The following CELSR3 variants were observed in gnomAD, a reference collection of about 807,000 sequenced individuals.
CELSR3 encodes the protein cadherin EGF LAG seven-pass G-type receptor 3.
CELSR3 carries 73 observed loss-of-function variants against 270.0 expected under a neutral mutation model. The observed-to-expected ratio is 0.27, with a 90% confidence interval of 0.22 to 0.33. The LOEUF (loss-of-function observed/expected upper bound fraction) is 0.33. Ranked by LOEUF, CELSR3 falls within the 10% of genes least tolerant of loss-of-function variation. The pLI, the probability that CELSR3 is intolerant of heterozygous loss-of-function variation, is 1.00. For synonymous variants in CELSR3, 1,780 were observed against 1,905.4 expected (o/e 0.93, Z 1.71); for missense variants, 3,614 against 4,533.8 (o/e 0.80, Z 5.83).
intron 34 of CELSR3, among the ~76,000 whole-genome samples, chr3:48,638,534 A>C (rs1368891336): frequency 6.6e-6 from 1 of 152,144 alleles, no homozygotes; most frequent in Non-Finnish European, 1.5e-5. Context: ...TCCACATCTC[A>C]AAGAGTTTGT....
Position 48,657,505 on chromosome 3 carries a change from C to T in CELSR3, c.3749-157G>A, listed in dbSNP as rs1406182067. Reference sequence around the variant, plus strand: ...CACAAGGGAGTCTGGGGCTAGTGACCACCAGCTCCCCCAGCATCAAGGTGT... The same window carrying T: ...CACAAGGGAGTCTGGGGCTAGTGACTACCAGCTCCCCCAGCATCAAGGTGT... On this transcript the variant is annotated intron_variant, in intron 1 of 34. Coordinates refer to ENST00000164024, the MANE Select transcript of CELSR3 (RefSeq NM_001407.3). The surrounding 1 kb of genome is among the most constrained non-coding windows in gnomAD (Gnocchi z 5.4). Among the ~76,000 whole-genome samples, 3 of 152,152 alleles carry T rather than the reference C, an allele frequency of 2.0e-5. No individual in the cohort carries two copies. The highest frequency in any genetic ancestry group is 4.4e-5 in the Non-Finnish European group (3 of 68,032).
chr3:48,649,270 G>T, intron 16 of CELSR3, 55 bp from the exon 17 acceptor site: 3 of 1,346,196 alleles, frequency 2.2e-6, no homozygotes, highest in Non-Finnish European at 3.1e-6. Flanking sequence ...TTGCTGAGGA[G>T]ATAACCGCAG....
Position 48,645,342 on chromosome 3 carries a change from C to A in CELSR3, c.7797+101G>T. Reference sequence around the variant, plus strand: ...CAGCATCCTGCTGAAAACCCTGGCCCCAACCTGAGCATCCCTGACCTCTGA... The same window carrying A: ...CAGCATCCTGCTGAAAACCCTGGCCACAACCTGAGCATCCCTGACCTCTGA... On this transcript the variant is annotated intron_variant, in intron 24 of 34. Transcript: ENST00000164024. This position sits in a 1 kb window ranked among gnomAD's most constrained non-coding sequence, Gnocchi z 5.4. The A allele has an allele frequency of 6.4e-7, 1 of 1,566,764 alleles. No homozygotes were observed. Among genetic ancestry groups the A allele is most frequent in the Non-Finnish European group, 8.7e-7 (1 of 1,144,450 alleles).
In CELSR3 at chr3:48,640,038, C is replaced by T. The variant is rs764283560; in HGVS notation, c.9547G>A (p.Asp3183Asn). ...AGCGGCCGGGATGGCAAGAGGGGGT[C>T]CCTTGAGAGTTGCCGCTGGGGAGAC... ...PLSPQRQLSRDPLLPSRPLDS... is the reference protein window; with the variant it reads ...PLSPQRQLSRNPLLPSRPLDS... The change falls in exon 34 of 35, where the codon GAC (aspartate) becomes AAC (asparagine). Residue 3183 changes from aspartate to asparagine, a missense_variant. By Grantham distance (23) the Asp-to-Asn change is conservative. Around this residue, in one of 7 missense-constraint regions of CELSR3, gnomAD observed 1,240 missense variants for 1,351.7 expected, o/e 0.92. Coordinates refer to ENST00000164024, the MANE Select transcript of CELSR3 (RefSeq NM_001407.3). This position sits in a 1 kb window ranked among gnomAD's most constrained non-coding sequence, Gnocchi z 7.5. 10 of 1,611,182 alleles carry T rather than the reference C, an allele frequency of 6.2e-6. No homozygotes were observed. Among genetic ancestry groups the T allele is most frequent in the Non-Finnish European group, 7.6e-6 (9 of 1,179,752 alleles).
Position 48,640,754 on chromosome 3 carries a change from A to T in CELSR3, c.9026-195T>A. On this transcript the variant is annotated intron_variant, in intron 33 of 34. Transcript: ENST00000164024. The surrounding 1 kb of genome is among the most constrained non-coding windows in gnomAD (Gnocchi z 7.5). ...AGGACAGGGGTCAGAGTGGAAGGGC[A>T]GTCATCTTCCAGTTGTGGTCCCGGG... 1 of 399,758 alleles carries T rather than the reference A, an allele frequency of 2.5e-6. No individual in the cohort carries two copies. The highest frequency in any genetic ancestry group is 4.4e-6 in the Non-Finnish European group (1 of 225,966). The allele number at this position is 399,758 out of a possible 1,614,324, so 24.8% of individuals were successfully genotyped here.
chr3:48,642,491 C>T lies in CELSR3; in HGVS notation c.8556-24G>A. On this transcript the variant is annotated intron_variant, in intron 30 of 34. Transcript: ENST00000164024. This position sits in a 1 kb window ranked among gnomAD's most constrained non-coding sequence, Gnocchi z 6.1. The stretch of plus-strand genomic sequence containing the variant: ...CCCTGGAAAAGCAGGAGCCCCCCCA[C>T]CATGAAAGAGGGATGTGATGGGGTG... 1.2e-6 allele frequency: 2 copies of T among 1,605,352 alleles called. No individual in the cohort carries two copies. The highest frequency in any genetic ancestry group is 8.5e-7 in the Non-Finnish European group (1 of 1,175,578).
chr3:48,648,238 G>GGGCCCCCCCCCCCCCCCCC, intron 19 of CELSR3, 28 bp downstream of exon 19: 1 of 1,342,630 alleles, frequency 7.4e-7, no homozygotes, highest in Non-Finnish European at 1.1e-6. Flanking sequence ...CCCCTGCTGT[G>GGGCCCCCCCCCCCCCCCCC]CCCCGCCCTA....
At position 48,644,535 on chromosome 3, in the gene CELSR3, C is replaced by T. The variant is rs1291197007; in HGVS notation, c.8085+181G>A. ...GGACAGGCAACTGAATCTCTGACCCCGCGCCCCCATCTCCATGCCAGTTGA... is the reference window on the plus strand; with the variant it reads ...GGACAGGCAACTGAATCTCTGACCCTGCGCCCCCATCTCCATGCCAGTTGA... On this transcript the variant is annotated intron_variant, in intron 26 of 34. Transcript: ENST00000164024. The surrounding 1 kb of genome is among the most constrained non-coding windows in gnomAD (Gnocchi z 4.8). 2.0e-5 allele frequency among the ~76,000 whole-genome samples: 3 copies of T among 152,074 alleles called. No homozygotes were observed. Among genetic ancestry groups the T allele is most frequent in the African/African-American group, 4.8e-5 (2 of 41,394 alleles).
At chr3:48,647,016 G>T (rs2047090409) in intron 20 of CELSR3, 88 bp from the exon 21 acceptor site, 4 of 1,294,196 alleles carry the variant, frequency 3.1e-6, no homozygotes, top group African/African-American at 1.6e-5. Flanking sequence ...AAGCATGGGG[G>T]TCTCTTCCCT....
Position 48,641,979 on chromosome 3 carries a change from G to T in CELSR3, c.8696C>A (p.Ser2899Tyr). The T allele has an allele frequency of 6.4e-7, 1 of 1,571,856 alleles. No homozygotes were observed. The highest frequency in any genetic ancestry group is 8.6e-7 in the Non-Finnish European group (1 of 1,163,260). The change falls in exon 32 of 35, where the codon TCC (serine) becomes TAC (tyrosine). Residue 2899 changes from serine to tyrosine, a missense_variant. Coordinates refer to ENST00000164024, the MANE Select transcript of CELSR3 (RefSeq NM_001407.3). This position sits in a 1 kb window ranked among gnomAD's most constrained non-coding sequence, Gnocchi z 4.8. ...GGAGAGACTCCTCTCCTCCTCCAAGGACAGGTCACTGTCAGAGTCGGAGTC... is the reference window on the plus strand; with the variant it reads ...GGAGAGACTCCTCTCCTCCTCCAAGTACAGGTCACTGTCAGAGTCGGAGTC... ...GADSDSDSDL[S>Y]LEEERSLSIP...
At position 48,651,494 on chromosome 3, in the gene CELSR3, C is replaced by T. The variant is rs1230431205; in HGVS notation, c.6066-15G>A. 7 of 1,613,238 alleles carry T rather than the reference C, an allele frequency of 4.3e-6. No homozygotes were observed. Among genetic ancestry groups the T allele is most frequent in the Non-Finnish European group, 5.9e-6 (7 of 1,179,638 alleles). On this transcript the variant is annotated splice_polypyrimidine_tract_variant and intron_variant, in intron 13 of 34. Transcript: ENST00000164024. This position sits in a 1 kb window ranked among gnomAD's most constrained non-coding sequence, Gnocchi z 7.4. ...GCTGGTCCATCCTGGGGGTGCAGAG[C>T]CAGGTAAGATGCCTCCACGGTATCC...
intron 3 of CELSR3, 127 bp downstream of exon 3, chr3:48,656,013 C>A: frequency 8.3e-7 from 1 of 1,206,592 alleles, no homozygotes; most frequent in Non-Finnish European, 1.2e-6. Flanking sequence ...GTCAGGAGAC[C>A]CCGGGCGGGG....
rs2077030822 is a variant in CELSR3 at position 48,657,191 on chromosome 3, C to T, written c.3906G>A (p.Val1302=). ...LGRFLEGVAA[V]LATPAEDVFI... is the part of the protein sequence containing the mutation. ...AGACGTCCTCAGCGGGCGTAGCGAGCACCGCAGCCACGCCCTCGAGGAAGC... is the reference window on the plus strand; with the variant it reads ...AGACGTCCTCAGCGGGCGTAGCGAGTACCGCAGCCACGCCCTCGAGGAAGC... The change falls in exon 2 of 35, where the codon GTG becomes GTA. Residue 1302 remains valine, a synonymous_variant. Coordinates refer to ENST00000164024, the MANE Select transcript of CELSR3 (RefSeq NM_001407.3). The surrounding 1 kb of genome is among the most constrained non-coding windows in gnomAD (Gnocchi z 5.4). The T allele has an allele frequency of 1.2e-6, 2 of 1,613,780 alleles. No individual in the cohort carries two copies. The highest frequency in any genetic ancestry group is 1.3e-5 in the African/African-American group (1 of 74,924).
At position 48,660,412 on chromosome 3, in the gene CELSR3, A is replaced by G. The variant is rs2077057930; in HGVS notation, c.2223T>C (p.Ser741=). The G allele has an allele frequency of 6.2e-7, 1 of 1,614,126 alleles. No homozygotes were observed. Among genetic ancestry groups the G allele is most frequent in the African/African-American group, 1.3e-5 (1 of 75,038 alleles). Residue 741 remains serine, a synonymous_variant, in exon 1 of 35, where the codon AGT becomes AGC. Coordinates refer to ENST00000164024, the MANE Select transcript of CELSR3 (RefSeq NM_001407.3). The surrounding 1 kb of genome is among the most constrained non-coding windows in gnomAD (Gnocchi z 5.5). ...HGSPPLSASA[S]VTVTVLDVND... Reference sequence around the variant, plus strand: ...TAACGTCCAGCACAGTCACGGTGACACTGGCTGAGGCAGAGAGTGGGGGTG... The same window carrying G: ...TAACGTCCAGCACAGTCACGGTGACGCTGGCTGAGGCAGAGAGTGGGGGTG...
At position 48,645,977 on chromosome 3, in the gene CELSR3, C is replaced by A; in HGVS notation, c.7464-109G>T. 1 of 1,571,414 alleles carries A rather than the reference C, an allele frequency of 6.4e-7. No individual in the cohort carries two copies. On this transcript the variant is annotated intron_variant, in intron 22 of 34. Coordinates refer to ENST00000164024, the MANE Select transcript of CELSR3 (RefSeq NM_001407.3). The surrounding 1 kb of genome is among the most constrained non-coding windows in gnomAD (Gnocchi z 5.4). ...CCTGGAGTTGGGGTACAGCATTCCTCATGGTCCGGGTTGCACAACAGCACT... is the reference window on the plus strand; with the variant it reads ...CCTGGAGTTGGGGTACAGCATTCCTAATGGTCCGGGTTGCACAACAGCACT...
At chr3:48,647,600 T>G (rs1264139417) in intron 20 of CELSR3, among the ~76,000 whole-genome samples, 1 of 4,260 alleles carries the variant, frequency 2.3e-4, no homozygotes, top group Non-Finnish European at 4.5e-4. Flanking sequence ...AGGGGAGATG[T>G]GGGAGGGAGG....
chr3:48,652,897 A>T lies in CELSR3; in HGVS notation c.5634+105T>A. 3 of 939,700 alleles carry T rather than the reference A, an allele frequency of 3.2e-6. No homozygotes were observed. Among genetic ancestry groups the T allele is most frequent in the Non-Finnish European group, 5.0e-6 (3 of 598,198 alleles). 58.2% of individuals were successfully genotyped at this position (939,700 alleles called of 1,614,324 possible). A position where few individuals can be genotyped will look rare whatever the true frequency, so the allele number is the denominator to read the frequency against. On this transcript the variant is annotated intron_variant, in intron 10 of 34. Transcript: ENST00000164024. The surrounding 1 kb of genome is among the most constrained non-coding windows in gnomAD (Gnocchi z 4.3). ...GAACTAGGGGTAGAACATCAGACTC[A>T]GTGCAGTGGAGGGAACTGAGAGGAG...
At position 48,655,584 on chromosome 3, in the gene CELSR3, TC is replaced by T; in HGVS notation, c.4741+151del. The stretch of plus-strand genomic sequence containing the variant: ...ACAGACTTCTTGGAGGGAGGGACCT[TC>T]CCACAGGGAATGGCCAAGGAGCTAG... On this transcript the variant is annotated intron_variant, in intron 4 of 34. Transcript: ENST00000164024. The surrounding 1 kb of genome is among the most constrained non-coding windows in gnomAD (Gnocchi z 5.8). 1.2e-6 allele frequency: 1 copy of T among 862,094 alleles called. No individual in the cohort carries two copies. The highest frequency in any genetic ancestry group is 1.9e-6 in the Non-Finnish European group (1 of 529,800). 53.4% of individuals were successfully genotyped at this position (862,094 alleles called of 1,614,324 possible). A position where few individuals can be genotyped will look rare whatever the true frequency, so the allele number is the denominator to read the frequency against.
rs1426628916 is a variant in CELSR3 at position 48,662,027 on chromosome 3, C to A, written c.608G>T (p.Arg203Leu). 4 of 1,614,080 alleles carry A rather than the reference C, an allele frequency of 2.5e-6. No homozygotes were observed. The highest frequency in any genetic ancestry group is 1.3e-5 in the African/African-American group (1 of 75,060). ...TGTTGCCCATAATTCCCCACAGCAG[C>A]GCGCGGTGCCCACTCTTTTGCGGGA... ...TGSRKRVGTA[R>L]CCGELWATGS... The change falls in exon 1 of 35, where the codon CGC becomes CTC. Residue 203 changes from arginine (R) to leucine (L), a missense_variant. By Grantham distance (102) the Arg-to-Leu change is moderately radical (BLOSUM62 -2). Transcript: ENST00000164024. The surrounding 1 kb of genome is among the most constrained non-coding windows in gnomAD (Gnocchi z 7.1).
Sources: gnomAD v4.1 joint callset for allele counts (sites outside exome capture counted in the v4.1 genomes callset) on GRCh38, gnomAD v4.1.1 for gene constraint, gnomAD v4.1.1 regional missense constraint, Gnocchi (gnomAD v3.1) non-coding constraint, MANE v1.5 for transcripts, NCBI Gene and HGNC (gene_info 2026-07-23, HGNC 2026-07-21) for gene names.